Variants in GALM observed in about 807,000 individuals in gnomAD.
GALM encodes the protein aldose 1-epimerase.
Under a neutral mutation model 37.4 loss-of-function variants are expected in GALM, and 43 were observed. That is an observed-to-expected ratio of 1.15 (90% confidence interval 0.90 to 1.48). The LOEUF is 1.48. GALM is among the 40% of genes most tolerant of loss of function. The probability of loss-of-function intolerance (pLI) is 0.00; values close to 1 mark genes in which losing one functional copy is unlikely to be tolerated. For synonymous variants in GALM, 199 were observed against 170.6 expected (o/e 1.17, Z -1.30); for missense variants, 456 against 419.1 (o/e 1.09, Z -0.77).
Position 38,733,675 on chromosome 2 carries a change from C to A in GALM, c.*110C>A. 1 of 838,588 alleles carries A rather than the reference C, an allele frequency of 1.2e-6. No individual in the cohort carries two copies. Among genetic ancestry groups the A allele is most frequent in the Non-Finnish European group, 2.1e-6 (1 of 486,982 alleles). 51.9% of individuals were successfully genotyped at this position (838,588 alleles called of 1,614,324 possible). On this transcript the variant is annotated 3_prime_UTR_variant, in exon 7 of 7. Coordinates refer to ENST00000272252, the MANE Select transcript of GALM (RefSeq NM_138801.3). ...TCAGAATGATTCTATGGATTAAAAT[C>A]ATACAAATGGTGGCTGTTCTGAGAA...
chr2:38,680,213 C>T (rs1665362590), intron 2 of GALM: 2 of 323,176 alleles, frequency 6.2e-6, no homozygotes, highest in South Asian at 2.3e-5. Context: ...ATAGAGATGA[C>T]ATCTCACTAT....
At chr2:38,689,067 G>A (rs1665610562) in intron 3 of GALM, among the ~76,000 whole-genome samples, 1 of 152,172 alleles carries the variant, frequency 6.6e-6, no homozygotes. Flanking sequence ...TGATCCGCCT[G>A]CCTCGGCCTC....
chr2:38,684,533 G>A (rs1665477343), intron 3 of GALM, among the ~76,000 whole-genome samples: 1 of 152,202 alleles, frequency 6.6e-6, no homozygotes, highest in South Asian at 2.1e-4. Context: ...CAGGCTGGGT[G>A]CGGCAGCTCA....
At chr2:38,679,362 C>T (rs1665339335) in intron 2 of GALM, among the ~76,000 whole-genome samples, 1 of 151,464 alleles carries the variant, frequency 6.6e-6, no homozygotes, top group East Asian at 2.0e-4. Flanking sequence ...CCACCGCCCC[C>T]GACACACACT....
intron 4 of GALM, among the ~76,000 whole-genome samples, chr2:38,696,319 A>G (rs1187033604): frequency 6.6e-6 from 1 of 151,546 alleles, no homozygotes; most frequent in Non-Finnish European, 1.5e-5. Flanking sequence ...GGGTTTCACC[A>G]TGTTGGTCAG....
At chr2:38,679,796 A>G (rs1226656120) in intron 2 of GALM, among the ~76,000 whole-genome samples, 1 of 152,152 alleles carries the variant, frequency 6.6e-6, no homozygotes, top group African/African-American at 2.4e-5. Context: ...TCATTATTCA[A>G]TGAGGATGAT....
At position 38,675,529 on chromosome 2, in the gene GALM, TTTTTTTTTTTTTTTTG is replaced by T. The variant is rs1665228213; in HGVS notation, c.191-381_191-366del. On this transcript the variant is annotated intron_variant, in intron 1 of 6. Transcript: ENST00000272252. ...CCTTTGGATTGAGGGTTTTTTTGTT[TTTTTTTTTTTTTTTTG>T]TGTGTGTGTGTGTGTGTGTGTGTGT... Among the ~76,000 whole-genome samples, 4 of 76,916 alleles carry T rather than the reference TTTTTTTTTTTTTTTTG, an allele frequency of 5.2e-5. No homozygotes were observed. In the East Asian group the frequency reaches 1.3e-3, roughly 26 times the overall value. The allele number at this position is 76,916 out of a possible 152,430, so 50.5% of individuals were successfully genotyped here.
intron 4 of GALM, among the ~76,000 whole-genome samples, chr2:38,698,982 C>G (rs886710535): frequency 6.6e-6 from 1 of 152,232 alleles, no homozygotes; most frequent in South Asian, 2.1e-4. Context: ...GGCACATCCT[C>G]GGCTCACTGC....
chr2:38,733,376 C>T (rs1666644805), intron 6 of GALM, 112 bp from the exon 7 acceptor site: 1 of 858,572 alleles, frequency 1.2e-6, no homozygotes, highest in Admixed American at 1.7e-5. Context: ...AGTTCCCGCA[C>T]TGGCAGCCAT....
chr2:38,710,597 G>T (rs1200546777), intron 4 of GALM, among the ~76,000 whole-genome samples: 1 of 152,074 alleles, frequency 6.6e-6, no homozygotes, highest in Admixed American at 6.6e-5. Context: ...TAGAGGCAGG[G>T]TCTCACTATG....
intron 4 of GALM, among the ~76,000 whole-genome samples, chr2:38,708,414 C>T (rs563720514): frequency 3.3e-5 from 5 of 152,344 alleles, no homozygotes; most frequent in Admixed American, 3.3e-4. Flanking sequence ...ATCCTAGAAG[C>T]TACCTCAGTG....
chr2:38,701,376 A>G (rs1665913038), intron 4 of GALM, among the ~76,000 whole-genome samples: 1 of 151,968 alleles, frequency 6.6e-6, no homozygotes, highest in South Asian at 2.1e-4. Context: ...CTTTATTTGT[A>G]GTAGTAGATA....
chr2:38,680,862 G>A (rs1232822406), intron 2 of GALM, among the ~76,000 whole-genome samples: 1 of 152,172 alleles, frequency 6.6e-6, no homozygotes, highest in African/African-American at 2.4e-5. Flanking sequence ...GGGACCAGGT[G>A]CGGTGGCTCA....
chr2:38,725,718 T>C lies in GALM; in HGVS notation c.635-3838T>C, dbSNP rs1263535149. On this transcript the variant is annotated intron_variant, in intron 4 of 6. Coordinates refer to ENST00000272252, the MANE Select transcript of GALM (RefSeq NM_138801.3). Reference sequence around the variant, plus strand: ...TTTCATTTCTTTTCTTTTTTTTGTTTTGTTTTGTTTTGTTTTTTTGAGACA... The same window carrying C: ...TTTCATTTCTTTTCTTTTTTTTGTTCTGTTTTGTTTTGTTTTTTTGAGACA... Among the ~76,000 whole-genome samples the C allele has an allele frequency of 2.6e-5, 4 of 152,026 alleles. No individual in the cohort carries two copies. The South Asian group carries it at 6.2e-4, about 24-fold the overall frequency.
intron 3 of GALM, among the ~76,000 whole-genome samples, chr2:38,681,884 G>T (rs534074612): frequency 6.6e-6 from 1 of 152,188 alleles, no homozygotes; most frequent in Non-Finnish European, 1.5e-5. Flanking sequence ...CTTTAGATAT[G>T]CTGCCAATAT....
chr2:38,733,738 T>C lies in GALM; in HGVS notation c.*173T>C. On this transcript the variant is annotated 3_prime_UTR_variant, in exon 7 of 7. Transcript: ENST00000272252. ...TTGATTTCCTTTTCCAGTGACTGGC[T>C]CCAGGCCATGTCTAATGACCAGCTC... The C allele has an allele frequency of 1.6e-6, 1 of 619,484 alleles. No homozygotes were observed. The highest frequency in any genetic ancestry group is 3.0e-6 in the Non-Finnish European group (1 of 338,280). 38.4% of individuals were successfully genotyped at this position (619,484 alleles called of 1,614,324 possible).
At chr2:38,674,113 C>T (rs889263037) in intron 1 of GALM, among the ~76,000 whole-genome samples, 2 of 151,602 alleles carry the variant, frequency 1.3e-5, no homozygotes, top group African/African-American at 2.4e-5. Context: ...TGTTTTAGTC[C>T]TTGTTTAGGT....
Position 38,686,227 on chromosome 2 carries a change from T to TC in GALM, c.553-3585dup, listed in dbSNP as rs200153954. On this transcript the variant is annotated intron_variant, in intron 3 of 6. Transcript: ENST00000272252. The stretch of plus-strand genomic sequence containing the variant: ...AAACCACAGAAAGTGGAAATTTCTT[T>TC]CTTTCTTTCTTTCTTTCTTTCTTTC... Among the ~76,000 whole-genome samples, 87 of 16,324 alleles carry TC rather than the reference T, an allele frequency of 5.3e-3. 5 individuals carry two copies. Among genetic ancestry groups the TC allele is most frequent in the East Asian group, 0.022 (8 of 370 alleles). 10.7% of individuals were successfully genotyped at this position (16,324 alleles called of 152,430 possible). A position where few individuals can be genotyped will look rare whatever the true frequency, so the allele number is the denominator to read the frequency against.
chr2:38,695,077 T>C (rs1253042229), intron 4 of GALM, among the ~76,000 whole-genome samples: 4 of 152,064 alleles, frequency 2.6e-5, no homozygotes, highest in African/African-American at 9.7e-5. Flanking sequence ...TCTTTAAGTA[T>C]GTATGTTGGT....
Sources: allele counts gnomAD v4.1 joint callset (sites outside exome capture counted in the v4.1 genomes callset), GRCh38; gene constraint gnomAD v4.1.1; transcripts MANE v1.5; gene names NCBI Gene and HGNC (gene_info 2026-07-23, HGNC 2026-07-21).